Variants in B4GALT6 observed in about 807,000 individuals in gnomAD.
B4GALT6 encodes beta-1,4-galactosyltransferase 6, also known as UDP-Gal:beta-GlcNAc beta-1,4-galactosyltransferase 6.
In B4GALT6, 14 loss-of-function variants were observed where a neutral mutation model predicts 46.3. That is an observed-to-expected ratio of 0.30 (90% CI 0.20 to 0.47). The LOEUF (loss-of-function observed/expected upper bound fraction) is 0.47. B4GALT6 is among the 20% of genes least tolerant of loss of function. The probability of loss-of-function intolerance (pLI) is 0.99; values close to 1 mark genes in which losing one functional copy is unlikely to be tolerated. For synonymous variants in B4GALT6, 168 were observed against 162.0 expected, an observed-to-expected ratio of 1.04 and a Z score of -0.28; for missense variants, 386 against 480.1, an observed-to-expected ratio of 0.80 and a Z score of 1.83.
chr18:31,685,011 G>A (rs2074529378), upstream of B4GALT6, among the ~76,000 whole-genome samples: 1 of 146,434 alleles, frequency 6.8e-6, no homozygotes. Flanking sequence ...CAACCAGCGC[G>A]CGCCACGCGC....
At chr18:31,650,178 T>C (rs981366909) in intron 3 of B4GALT6, among the ~76,000 whole-genome samples, 10 of 152,228 alleles carry the variant, frequency 6.6e-5, no homozygotes, top group Non-Finnish European at 1.3e-4. Flanking sequence ...ATATCCACAC[T>C]GGCCTCTGTA....
chr18:31,648,237 G>A (rs767706259), intron 3 of B4GALT6, among the ~76,000 whole-genome samples: 24 of 152,142 alleles, frequency 1.6e-4, no homozygotes, highest in Non-Finnish European at 3.1e-4. Context: ...ATTTTTAACT[G>A]GCACAAGTGG....
intron 2 of B4GALT6, among the ~76,000 whole-genome samples, chr18:31,665,224 A>G (rs2074269113): frequency 1.3e-5 from 2 of 152,232 alleles, no homozygotes; most frequent in Non-Finnish European, 2.9e-5. Flanking sequence ...GAGACCATAA[A>G]GGGTACAACA....
At chr18:31,698,513 T>C in the B4GALT6 span, among the ~76,000 whole-genome samples, 2 of 151,566 alleles carry the variant, frequency 1.3e-5, no homozygotes, top group African/African-American at 4.9e-5. Flanking sequence ...ACACCAGTAA[T>C]CCCAGCTACA....
At chr18:31,709,593 GTGTGTGTGTGTA>G in the B4GALT6 span, among the ~76,000 whole-genome samples, 2 of 65,496 alleles carry the variant, frequency 3.1e-5, no homozygotes, top group Non-Finnish European at 4.2e-5. Context: ...GTGTGTGTGT[GTGTGTGTGTGTA>G]TATATATATC....
chr18:31,721,232 T>A, the B4GALT6 span, among the ~76,000 whole-genome samples: 1 of 152,066 alleles, frequency 6.6e-6, no homozygotes. Context: ...AAATACCTAA[T>A]ATAAATGACG....
At chr18:31,669,144 T>C (rs185063866) in intron 1 of B4GALT6, among the ~76,000 whole-genome samples, 16 of 152,358 alleles carry the variant, frequency 1.1e-4, no homozygotes, top group Admixed American at 9.8e-4. Context: ...CAGTTTCTAT[T>C]TATTCTTGAT....
chr18:31,628,882 T>A (rs769831328), intron 6 of B4GALT6, among the ~76,000 whole-genome samples: 1 of 152,222 alleles, frequency 6.6e-6, no homozygotes, highest in Non-Finnish European at 1.5e-5. Context: ...TCCACTGATA[T>A]ACAATTTCTT....
chr18:31,711,371 A>G, the B4GALT6 span, among the ~76,000 whole-genome samples: 2 of 152,098 alleles, frequency 1.3e-5, no homozygotes, highest in African/African-American at 4.8e-5. Context: ...CTAACTTCGT[A>G]CCCAATAGTT....
chr18:31,688,036 G>T (rs1431058418), upstream of B4GALT6, among the ~76,000 whole-genome samples: 1 of 151,980 alleles, frequency 6.6e-6, no homozygotes, highest in African/African-American at 2.4e-5. Context: ...GGTAGCTAAA[G>T]ATTCAGATCT....
intron 3 of B4GALT6, among the ~76,000 whole-genome samples, chr18:31,649,751 AAAC>A (rs1391226825): frequency 3.3e-5 from 5 of 152,204 alleles, no homozygotes; most frequent in Admixed American, 3.3e-4. Context: ...AAAAGTGAAA[AAAC>A]AACAGATGCT....
intron 6 of B4GALT6, among the ~76,000 whole-genome samples, chr18:31,630,417 G>GT (rs572054741): frequency 0.38 from 55,439 of 147,328 alleles, 10,297 homozygotes; most frequent in Middle Eastern, 0.5. Context: ...AAAGATTTGG[G>GT]TTTTTTTTTT....
At chr18:31,637,106 A>G (rs1407112100) in intron 5 of B4GALT6, among the ~76,000 whole-genome samples, 1 of 152,276 alleles carries the variant, frequency 6.6e-6, no homozygotes, top group African/African-American at 2.4e-5. Flanking sequence ...GGTGTGAGCC[A>G]CCATGCCAGG....
chr18:31,702,521 T>C, the B4GALT6 span, among the ~76,000 whole-genome samples: 1 of 152,204 alleles, frequency 6.6e-6, no homozygotes, highest in Non-Finnish European at 1.5e-5. Context: ...GATGCTCCCA[T>C]TTGTATCTTT....
chr18:31,626,954 G>T, intron 7 of B4GALT6, 45 bp downstream of exon 7: 1 of 1,521,670 alleles, frequency 6.6e-7, no homozygotes, highest in Non-Finnish European at 9.0e-7. Flanking sequence ...ATATAAATAA[G>T]ATTTATAAAA....
chr18:31,650,968 G>T (rs970943465), intron 3 of B4GALT6, among the ~76,000 whole-genome samples: 1 of 152,048 alleles, frequency 6.6e-6, no homozygotes, highest in Non-Finnish European at 1.5e-5. Flanking sequence ...GGGTTTCACC[G>T]TGTTAGACAG....
chr18:31,632,752 T>C (rs763756522), intron 5 of B4GALT6, among the ~76,000 whole-genome samples: 1 of 152,236 alleles, frequency 6.6e-6, no homozygotes, highest in Admixed American at 6.5e-5. Flanking sequence ...TGTTTTCTTT[T>C]GCAAACTGGG....
At chr18:31,657,211 A>G (rs1281050194) in intron 3 of B4GALT6, among the ~76,000 whole-genome samples, 2 of 151,814 alleles carry the variant, frequency 1.3e-5, no homozygotes, top group African/African-American at 2.4e-5. Flanking sequence ...ACCAAAATAT[A>G]TATATATATT....
At chr18:31,644,983 T>C (rs180968028) in intron 4 of B4GALT6, among the ~76,000 whole-genome samples, 69 of 152,332 alleles carry the variant, frequency 4.5e-4, no homozygotes, top group East Asian at 3.5e-3. Context: ...CTGGTGAGGC[T>C]ATGCTTGCAG....
Sources: allele counts gnomAD v4.1 joint callset (sites outside exome capture counted in the v4.1 genomes callset), GRCh38; gene constraint gnomAD v4.1.1; transcripts MANE v1.5; gene names NCBI Gene and HGNC (gene_info 2026-07-23, HGNC 2026-07-21).